Variants in NCAM2 observed in about 807,000 individuals in gnomAD.
The protein encoded by NCAM2 is N-CAM-2.
Under a neutral mutation model 98.1 loss-of-function variants are expected in NCAM2, and 30 were observed. That is an observed-to-expected ratio of 0.31 (90% CI 0.23 to 0.41). The LOEUF is 0.41. NCAM2 is among the 10% of genes least tolerant of loss of function. The probability of loss-of-function intolerance (pLI) is 1.00; values close to 1 mark genes in which losing one functional copy is unlikely to be tolerated. For missense variants in NCAM2, 867 were observed against 1,005.8 expected, an observed-to-expected ratio of 0.86 and a Z score of 1.87; for synonymous variants, 368 against 342.4, an observed-to-expected ratio of 1.07 and a Z score of -0.83.
intron 1 of NCAM2, among the ~76,000 whole-genome samples, chr21:21,187,158 A>G (rs182238536): frequency 0.014 from 2,130 of 152,204 alleles, 39 homozygotes; most frequent in Non-Finnish European, 0.019. Flanking sequence ...TGGGAGGCGG[A>G]GGTTGCAGTG....
chr21:21,403,514 T>G (rs769750334), intron 9 of NCAM2, among the ~76,000 whole-genome samples: 2 of 152,174 alleles, frequency 1.3e-5, no homozygotes, highest in Non-Finnish European at 1.5e-5. Flanking sequence ...AATGTGCCAG[T>G]TAATACTCAG....
At chr21:21,506,881 A>G (rs899916962) in intron 15 of NCAM2, among the ~76,000 whole-genome samples, 2 of 152,138 alleles carry the variant, frequency 1.3e-5, no homozygotes, top group African/African-American at 4.8e-5. Context: ...TTCAATAAAA[A>G]TTATACTTGC....
chr21:21,190,653 A>G (rs2068790778), intron 1 of NCAM2, among the ~76,000 whole-genome samples: 1 of 152,116 alleles, frequency 6.6e-6, no homozygotes. Context: ...TATATTTGAG[A>G]CAGCCTAGTG....
chr21:21,073,535 C>T (rs1417009110), intron 1 of NCAM2, among the ~76,000 whole-genome samples: 1 of 152,148 alleles, frequency 6.6e-6, no homozygotes, highest in Non-Finnish European at 1.5e-5. Context: ...TTATGCCTCA[C>T]TCATAACACA....
At chr21:21,481,996 G>T (rs1985930916) in intron 15 of NCAM2, among the ~76,000 whole-genome samples, 1 of 151,974 alleles carries the variant, frequency 6.6e-6, no homozygotes, top group South Asian at 2.1e-4. Context: ...TACTCAGGAG[G>T]CTGAGACAGG....
At chr21:21,098,780 T>A (rs955026823) in intron 1 of NCAM2, among the ~76,000 whole-genome samples, 4 of 151,880 alleles carry the variant, frequency 2.6e-5, no homozygotes, top group African/African-American at 9.7e-5. Flanking sequence ...CAAAAAAAGA[T>A]GCATTTTTTA....
chr21:21,111,254 G>A (rs1193127147), intron 1 of NCAM2, among the ~76,000 whole-genome samples: 1 of 152,092 alleles, frequency 6.6e-6, no homozygotes, highest in Non-Finnish European at 1.5e-5. Context: ...ATTTTATTTT[G>A]CTATTCATAC....
At chr21:21,254,218 TAGAC>T (rs1460781061) in intron 1 of NCAM2, among the ~76,000 whole-genome samples, 1 of 152,196 alleles carries the variant, frequency 6.6e-6, no homozygotes, top group Admixed American at 6.5e-5. Flanking sequence ...TTTTATTTCT[TAGAC>T]AGAATTTATA....
chr21:21,261,810 A>T (rs1386634735), intron 1 of NCAM2, among the ~76,000 whole-genome samples: 2 of 152,140 alleles, frequency 1.3e-5, no homozygotes, highest in Non-Finnish European at 2.9e-5. Context: ...AACTAGAAAA[A>T]CAAGAAAAAA....
chr21:21,136,623 G>GGTTT (rs373375869), intron 1 of NCAM2, among the ~76,000 whole-genome samples: 27 of 55,786 alleles, frequency 4.8e-4, no homozygotes, highest in Middle Eastern at 7.0e-3. Flanking sequence ...CACCACGCCT[G>GGTTT]TTTTTTGTTT....
intron 1 of NCAM2, among the ~76,000 whole-genome samples, chr21:21,208,149 T>A (rs748245946): frequency 6.6e-6 from 1 of 152,226 alleles, no homozygotes; most frequent in Non-Finnish European, 1.5e-5. Context: ...AATCAGTTGC[T>A]AGAAAGAATT....
chr21:21,219,024 T>A (rs1325512990), intron 1 of NCAM2, among the ~76,000 whole-genome samples: 1 of 152,222 alleles, frequency 6.6e-6, no homozygotes, highest in Non-Finnish European at 1.5e-5. Context: ...GCCTGGGCGA[T>A]GAGCGTGAAA....
intron 1 of NCAM2, among the ~76,000 whole-genome samples, chr21:21,177,814 C>T (rs2068344258): frequency 6.6e-6 from 1 of 151,350 alleles, no homozygotes; most frequent in African/African-American, 2.4e-5. Context: ...TCCTTTCTTC[C>T]TTCCAACAAT....
rs532010961 is a variant in NCAM2, at chr21:21,301,328, G to A, written c.619+9087G>A. On this transcript the variant is annotated intron_variant, in intron 5 of 17. Coordinates refer to ENST00000400546, the MANE Select transcript of NCAM2 (RefSeq NM_004540.5). ...TTTGCGAAATTGGATGTCTAGAAGGGTATTTCTTAGGTTTTCTTTTAGGAT... is the reference window on the plus strand; with the variant it reads ...TTTGCGAAATTGGATGTCTAGAAGGATATTTCTTAGGTTTTCTTTTAGGAT... Among the ~76,000 whole-genome samples, 28 of 151,284 alleles carry A rather than the reference G, an allele frequency of 1.9e-4. No homozygotes were observed. The South Asian group carries it at 5.9e-3, about 32-fold the overall frequency.
intron 1 of NCAM2, among the ~76,000 whole-genome samples, chr21:21,235,549 A>G (rs368832663): frequency 7.2e-5 from 11 of 152,114 alleles, no homozygotes; most frequent in Middle Eastern, 3.2e-3. Context: ...TGAAAACGCT[A>G]TAGTTCAAGT....
intron 16 of NCAM2, among the ~76,000 whole-genome samples, chr21:21,512,331 C>T (rs563906703): frequency 5.3e-5 from 8 of 152,076 alleles, no homozygotes; most frequent in Admixed American, 5.2e-4. Flanking sequence ...TTTCCCAGTA[C>T]CATTTATTGA....
chr21:21,128,029 T>C (rs1400371565), intron 1 of NCAM2, among the ~76,000 whole-genome samples: 4 of 152,060 alleles, frequency 2.6e-5, no homozygotes, highest in African/African-American at 9.7e-5. Flanking sequence ...ATTTTCCCTT[T>C]GTATTTTTTT....
intron 6 of NCAM2, among the ~76,000 whole-genome samples, chr21:21,325,369 T>A (rs1224484344): frequency 6.6e-6 from 1 of 152,188 alleles, no homozygotes; most frequent in African/African-American, 2.4e-5. Flanking sequence ...CCAAACTAAC[T>A]TTTATTCTTT....
chr21:21,430,810 G>T (rs1018668397), intron 11 of NCAM2, among the ~76,000 whole-genome samples: 3 of 151,988 alleles, frequency 2.0e-5, no homozygotes, highest in African/African-American at 7.3e-5. Flanking sequence ...CACTTTGGGA[G>T]GCCAAGGTGG....
Sources: allele counts gnomAD v4.1 joint callset (sites outside exome capture counted in the v4.1 genomes callset), GRCh38; gene constraint gnomAD v4.1.1; transcripts MANE v1.5; gene names NCBI Gene and HGNC (gene_info 2026-07-23, HGNC 2026-07-21).